Variants in DNAI3 observed in about 807,000 individuals in gnomAD.
The protein encoded by DNAI3 is WD repeat domain 63.
DNAI3 carries 83 observed loss-of-function variants against 115.5 expected under a neutral mutation model. The observed-to-expected ratio is 0.72, with a 90% confidence interval of 0.60 to 0.86. The LOEUF (loss-of-function observed/expected upper bound fraction) is 0.86. DNAI3 is among the 40% of genes least tolerant of loss of function. The pLI is 0.00. For missense variants in DNAI3, 1,004 were observed against 1,075.8 expected (o/e 0.93, Z 0.93); for synonymous variants, 320 against 347.0 (o/e 0.92, Z 0.86).
At chr1:85,128,868 A>T (rs947399363) in intron 21 of DNAI3, 69 bp downstream of exon 21, 1 of 1,407,138 alleles carries the variant, frequency 7.1e-7, no homozygotes, top group Non-Finnish European at 9.9e-7. Context: ...CTTTAAAAAA[A>T]TGTTAGAAAT....
intron 16 of DNAI3, among the ~76,000 whole-genome samples, chr1:85,110,741 T>A (rs1169340357): frequency 1.3e-5 from 2 of 152,164 alleles, no homozygotes; most frequent in Non-Finnish European, 2.9e-5. Flanking sequence ...GAAGCCCACT[T>A]AATGAATGTT....
At chr1:85,089,914 T>C (rs1478021491) in intron 7 of DNAI3, among the ~76,000 whole-genome samples, 1 of 152,138 alleles carries the variant, frequency 6.6e-6, no homozygotes, top group East Asian at 1.9e-4. Context: ...TTTTTTTGAT[T>C]ATGTTGGAGA....
Position 85,090,110 on chromosome 1 carries a change from T to C in DNAI3, c.741-6T>C. 1 of 1,496,886 alleles carries C rather than the reference T, an allele frequency of 6.7e-7. No individual in the cohort carries two copies. Among genetic ancestry groups the C allele is most frequent in the Non-Finnish European group, 9.0e-7 (1 of 1,107,540 alleles). The allele number at this position is 1,496,886 out of a possible 1,614,324, so 92.7% of individuals were successfully genotyped here. ...TTTAGTATTGAATTTTCTTTTAATA[T>C]ATTAGGACATATCCTAAAAATGCTA... is the stretch of plus-strand genomic sequence containing the variant. On this transcript the variant is annotated splice_region_variant and splice_polypyrimidine_tract_variant and intron_variant, in intron 7 of 22. Transcript: ENST00000294664.
At chr1:85,099,111 G>A (rs982356661) in intron 13 of DNAI3, among the ~76,000 whole-genome samples, 1 of 152,182 alleles carries the variant, frequency 6.6e-6, no homozygotes, top group African/African-American at 2.4e-5. Context: ...TGTGCAGTCT[G>A]TGAGCCCAGC....
At chr1:85,076,532 G>T (rs1654458921) in intron 3 of DNAI3, among the ~76,000 whole-genome samples, 2 of 152,192 alleles carry the variant, frequency 1.3e-5, no homozygotes, top group South Asian at 4.1e-4. Context: ...TTGACTCACA[G>T]TTCTACATGG....
Position 85,124,200 on chromosome 1 carries a change from T to C in DNAI3, c.2061T>C (p.Ile687=), listed in dbSNP as rs541896683. ...TIQRSPFYND[I]ILTVGGWNVA... is the part of the protein sequence containing the mutation. ...AGAGATCACCTTTCTACAACGACAT[T>C]ATTCTCACGGTTGGAGGTTGGAACG... Residue 687 remains isoleucine (I), a synonymous_variant, in exon 19 of 23, where the codon ATT becomes ATC. Transcript: ENST00000294664. 1 of 1,614,184 alleles carries C rather than the reference T, an allele frequency of 6.2e-7. No individual in the cohort carries two copies. Among genetic ancestry groups the C allele is most frequent in the South Asian group, 1.1e-5 (1 of 91,076 alleles).
chr1:85,080,957 A>G (rs532480698), intron 3 of DNAI3, among the ~76,000 whole-genome samples: 15 of 152,318 alleles, frequency 9.8e-5, no homozygotes, highest in African/African-American at 3.6e-4. Context: ...CATATGAGGT[A>G]TATATGGAAT....
At chr1:85,087,018 C>T (rs533644693) in intron 7 of DNAI3, among the ~76,000 whole-genome samples, 18 of 152,168 alleles carry the variant, frequency 1.2e-4, no homozygotes, top group African/African-American at 4.1e-4. Context: ...TGATTCACCA[C>T]GCATACTCAT....
intron 11 of DNAI3, 149 bp downstream of exon 11, chr1:85,096,169 G>A (rs895810221): frequency 3.0e-6 from 2 of 673,788 alleles, no homozygotes; most frequent in South Asian, 1.8e-5. Context: ...AGGAAGCAGG[G>A]TATAGAGACG....
chr1:85,097,174 T>C (rs1309177787), intron 11 of DNAI3, among the ~76,000 whole-genome samples: 1 of 152,132 alleles, frequency 6.6e-6, no homozygotes, highest in Non-Finnish European at 1.5e-5. Context: ...CAGCCTTCTT[T>C]GGACAGTCGG....
At chr1:85,125,517 T>C (rs931240580) in intron 19 of DNAI3, among the ~76,000 whole-genome samples, 1 of 147,080 alleles carries the variant, frequency 6.8e-6, no homozygotes, top group African/African-American at 2.5e-5. Context: ...TTTATGCCAA[T>C]GTACTTCTGT....
Position 85,082,495 on chromosome 1 carries a change from G to T in DNAI3, c.390+91G>T. On this transcript the variant is annotated intron_variant, in intron 5 of 22. Coordinates refer to ENST00000294664, the MANE Select transcript of DNAI3 (RefSeq NM_145172.5). ...GGCTCTTGCTCTGTCACCCAGGCTA[G>T]AGTGCAGTGGCACAATCATGGTCAC... 2.1e-6 allele frequency: 2 copies of T among 966,822 alleles called. 1 individual carries two copies. Among genetic ancestry groups the T allele is most frequent in the South Asian group, 2.8e-5 (2 of 70,432 alleles). 59.9% of individuals were successfully genotyped at this position (966,822 alleles called of 1,614,324 possible). A position where few individuals can be genotyped will look rare whatever the true frequency, so the allele number is the denominator to read the frequency against.
intron 17 of DNAI3, among the ~76,000 whole-genome samples, chr1:85,120,535 G>A (rs778633225): frequency 4.6e-5 from 7 of 152,188 alleles, no homozygotes; most frequent in African/African-American, 1.4e-4. Context: ...ACTAGTCCTC[G>A]TTGACTTGGT....
chr1:85,116,497 G>A (rs866126797), intron 16 of DNAI3, among the ~76,000 whole-genome samples: 3 of 152,138 alleles, frequency 2.0e-5, no homozygotes, highest in Non-Finnish European at 2.9e-5. Context: ...CTCAATGTAT[G>A]TATATGTATT....
Position 85,126,700 on chromosome 1 carries a change from C to G in DNAI3, c.2302C>G (p.Pro768Ala). Residue 768 changes from proline to alanine, a missense_variant, in exon 20 of 23, where the codon CCC (proline) becomes GCC (alanine). This residue lies in a region of DNAI3 where 429 missense variants were observed against 454.3 expected (regional missense o/e 0.94). Transcript: ENST00000294664. ...CATAACTATGATCACCTACATCAAA[C>G]CCTGGATCTTTTCTTGTATGTTAAT... The part of the protein sequence containing the change: ...ICITMITYIK[P>A]WIFSSKQQFI... 6.2e-7 allele frequency: 1 copy of G among 1,614,110 alleles called. No individual in the cohort carries two copies. The highest frequency in any genetic ancestry group is 1.3e-5 in the African/African-American group (1 of 75,030).
rs1242349599 is a variant in DNAI3, at chr1:85,073,049, T to C, written c.65-5T>C. ...TAAATTTGACTTCCTTTTATTATAT[T>C]CTAGCTAGTGAAGACATGGAACCAG... On this transcript the variant is annotated splice_polypyrimidine_tract_variant and splice_region_variant and intron_variant, in intron 2 of 22. Coordinates refer to ENST00000294664, the MANE Select transcript of DNAI3 (RefSeq NM_145172.5). The C allele has an allele frequency of 9.1e-6, 14 of 1,533,678 alleles. No individual in the cohort carries two copies. Among genetic ancestry groups the C allele is most frequent in the Middle Eastern group, 3.5e-4 (2 of 5,796 alleles).
intron 15 of DNAI3, among the ~76,000 whole-genome samples, 192 bp from the exon 16 acceptor site, chr1:85,109,856 G>C (rs1003797758): frequency 6.6e-6 from 1 of 152,094 alleles, no homozygotes; most frequent in South Asian, 2.1e-4. Flanking sequence ...TCTGTAGCTG[G>C]GTTTAGAAAT....
At chr1:85,084,976 G>A (rs1654755626) in intron 6 of DNAI3, among the ~76,000 whole-genome samples, 1 of 152,178 alleles carries the variant, frequency 6.6e-6, no homozygotes, top group Admixed American at 6.5e-5. Flanking sequence ...TTAAGATGAG[G>A]TCATACTGGA....
intron 1 of DNAI3, among the ~76,000 whole-genome samples, chr1:85,069,883 CT>C (rs1654214187): frequency 6.6e-6 from 1 of 152,098 alleles, no homozygotes; most frequent in Non-Finnish European, 1.5e-5. Flanking sequence ...ATTTGACAGT[CT>C]AAAGAGTTGA....
Sources: allele counts gnomAD v4.1 joint callset (sites outside exome capture counted in the v4.1 genomes callset), GRCh38; gene constraint gnomAD v4.1.1; regional missense constraint gnomAD v4.1.1; transcripts MANE v1.5; gene names NCBI Gene and HGNC (gene_info 2026-07-23, HGNC 2026-07-21).